Variants in HIP1R observed in about 807,000 individuals in gnomAD.
HIP1R encodes huntingtin interacting protein 1 related, also known as huntingtin-interacting protein 1-related protein.
A neutral mutation model predicts 144.2 loss-of-function variants in HIP1R; 135 were observed. The observed-to-expected ratio is 0.94, with a 90% CI of 0.81 to 1.08. The LOEUF (loss-of-function observed/expected upper bound fraction) is 1.08. HIP1R is among the 50% of genes least tolerant of loss of function. The pLI is 0.00. For synonymous variants in HIP1R, 698 were observed against 612.8 expected (o/e 1.14, Z -2.05); for missense variants, 1,462 against 1,432.8 (o/e 1.02, Z -0.33).
At position 122,856,076 on chromosome 12, in the gene HIP1R, A is replaced by T. The variant is rs760534339; in HGVS notation, c.1225A>T (p.Asn409Tyr). The change falls in exon 14 of 32, where the codon AAT (asparagine) becomes TAT (tyrosine). Residue 409 changes from asparagine to tyrosine, a missense_variant. Coordinates refer to ENST00000253083, the MANE Select transcript of HIP1R (RefSeq NM_003959.3). ...RKQKQKALVD[N>Y]EQLRHELAQL... is the part of the protein sequence containing the mutation. ...GCAGAAGCAGAAGGCCCTGGTGGAT[A>T]ATGAGCAGCTCCGCCACGAGCTGGC... 1.3e-6 allele frequency: 2 copies of T among 1,588,790 alleles called. No homozygotes were observed. Among genetic ancestry groups the T allele is most frequent in the Non-Finnish European group, 1.7e-6 (2 of 1,168,022 alleles).
At position 122,856,524 on chromosome 12, in the gene HIP1R, G is replaced by T. The variant is rs773766572; in HGVS notation, c.1494G>T (p.Gln498His). ...VKEQLAFQVE[Q>H]VKRESELKLE... is the part of the protein sequence containing the mutation. ...AGCAGCTGGCCTTCCAGGTGGAGCA[G>T]GTGAAGCGGGAGTCGGAGTTGAAGG... Residue 498 changes from glutamine (Q) to histidine (H), a missense_variant, in exon 16 of 32, where the codon CAG becomes CAT. Physicochemically the swap from Gln to His is conservative, Grantham distance 24 (BLOSUM62 0). Transcript: ENST00000253083. 2 of 1,599,100 alleles carry T rather than the reference G, an allele frequency of 1.3e-6. No individual in the cohort carries two copies. The highest frequency in any genetic ancestry group is 2.3e-5 in the East Asian group (1 of 44,326).
chr12:122,837,720 T>C (rs2032947673), intron 1 of HIP1R, among the ~76,000 whole-genome samples: 1 of 152,250 alleles, frequency 6.6e-6, no homozygotes, highest in Admixed American at 6.5e-5. Context: ...TCTTACCTAT[T>C]CTAGGGCCCC....
Position 122,854,096 on chromosome 12 carries a change from T to C in HIP1R, c.631T>C (p.Cys211Arg). The change falls in exon 8 of 32, where the codon TGC becomes CGC. Residue 211 changes from cysteine (C) to arginine (R), a missense_variant. By Grantham distance (180) the Cys-to-Arg change is radical. Around this residue, in one of 2 missense-constraint regions of HIP1R, gnomAD observed 350 missense variants for 421.1 expected, o/e 0.83. Coordinates refer to ENST00000253083, the MANE Select transcript of HIP1R (RefSeq NM_003959.3). The stretch of plus-strand genomic sequence containing the variant: ...CGTATCCCAGATGTCCTCAGGCCAG[T>C]GCCGCCTGGCCCCCCTCATCCAGGT... The part of the protein sequence containing the change: ...IAVSQMSSGQ[C>R]RLAPLIQVIQ... The C allele has an allele frequency of 6.2e-7, 1 of 1,613,898 alleles. No individual in the cohort carries two copies. Among genetic ancestry groups the C allele is most frequent in the Non-Finnish European group, 8.5e-7 (1 of 1,179,930 alleles).
rs1409982971 is a variant in HIP1R at position 122,862,021 on chromosome 12, A to G, written c.*268A>G. ...CGGTAGGCCTGAGCCTCAACTCTTC[A>G]GAAAATAGTGTTTTTAATATTCCTC... On this transcript the variant is annotated 3_prime_UTR_variant, in exon 32 of 32. Coordinates refer to ENST00000253083, the MANE Select transcript of HIP1R (RefSeq NM_003959.3). The G allele has an allele frequency of 2.1e-6, 1 of 470,080 alleles. No homozygotes were observed. Among genetic ancestry groups the G allele is most frequent in the Non-Finnish European group, 3.7e-6 (1 of 267,380 alleles). 29.1% of individuals were successfully genotyped at this position (470,080 alleles called of 1,614,324 possible). A position where few individuals can be genotyped will look rare whatever the true frequency, so the allele number is the denominator to read the frequency against.
intron 5 of HIP1R, chr12:122,850,395 G>A: frequency 2.3e-6 from 1 of 440,718 alleles, no homozygotes; most frequent in South Asian, 1.6e-5. Flanking sequence ...GGGGGCCCTG[G>A]TTCGGTGGCC....
chr12:122,861,562 C>A, intron 31 of HIP1R, 48 bp downstream of exon 31: 3 of 1,583,216 alleles, frequency 1.9e-6, no homozygotes, highest in Non-Finnish European at 2.6e-6. Flanking sequence ...GGGTGCTGTC[C>A]CCAGCCCTAG....
At chr12:122,834,989 T>C, upstream of HIP1R, 29 of 1,288,160 alleles carry the variant, frequency 2.3e-5, no homozygotes, top group Non-Finnish European at 2.7e-5. Flanking sequence ...GATCTTGCCC[T>C]GGTGCAGACA....
rs754844811 is a variant in HIP1R, at chr12:122,860,187, AAGG to A, written c.2539_2541del (p.Glu847del). The A allele has an allele frequency of 3.2e-6, 5 of 1,568,720 alleles. No individual in the cohort carries two copies. Among genetic ancestry groups the A allele is most frequent in the African/African-American group, 1.4e-5 (1 of 74,014 alleles). On this transcript the variant is annotated inframe_deletion, in exon 26 of 32. Transcript: ENST00000253083. The stretch of plus-strand genomic sequence containing the variant: ...GGTGACGACATCCACTAGCCTGCAG[AAGG>A]AGATCGTGGAGAGCGGCAGGGTGAG...
At chr12:122,857,304 A>G in intron 18 of HIP1R, 89 bp downstream of exon 18, 1 of 1,269,758 alleles carries the variant, frequency 7.9e-7, no homozygotes, top group Non-Finnish European at 1.1e-6. Context: ...TGTTCTAGAG[A>G]TTTCATGTAA....
At position 122,857,008 on chromosome 12, in the gene HIP1R, T is replaced by C. The variant is rs1190664635; in HGVS notation, c.1621-13T>C. The C allele has an allele frequency of 1.0e-5, 16 of 1,548,094 alleles. No homozygotes were observed. Among genetic ancestry groups the C allele is most frequent in the Middle Eastern group, 2.3e-4 (1 of 4,408 alleles). On this transcript the variant is annotated splice_polypyrimidine_tract_variant and intron_variant, in intron 17 of 31. Transcript: ENST00000253083. The stretch of plus-strand genomic sequence containing the variant: ...GCTCTGTTCACATGCCTGGTGTCCA[T>C]GTCTGTCCACAGAGCAAGTCGGAGC...
In HIP1R at chr12:122,861,434, A is replaced by C; in HGVS notation, c.3079A>C (p.Ser1027Arg). 6.2e-7 allele frequency: 1 copy of C among 1,613,500 alleles called. No homozygotes were observed. Reference sequence around the variant, plus strand: ...TGGAGAGGAGGTGGCCATCCGGCCCAGCACTGCCCCCCGAAGTGTAACCAC... The same window carrying C: ...TGGAGAGGAGGTGGCCATCCGGCCCCGCACTGCCCCCCGAAGTGTAACCAC... ...SPGEEVAIRP[S>R]TAPRSVTTKK... Residue 1027 changes from serine (S) to arginine (R), a missense_variant, in exon 31 of 32, where the codon AGC (serine) becomes CGC (arginine). Transcript: ENST00000253083.
At chr12:122,852,969 C>G (rs908195120) in intron 7 of HIP1R, among the ~76,000 whole-genome samples, 2 of 152,104 alleles carry the variant, frequency 1.3e-5, no homozygotes, top group Non-Finnish European at 1.5e-5. Context: ...CTTGCCCCTC[C>G]CCCCCAGGCT....
At position 122,835,564 on chromosome 12, in the gene HIP1R, A is replaced by C. The variant is rs1033137856; in HGVS notation, c.14A>C (p.Lys5Thr). Residue 5 changes from lysine (K) to threonine (T), a missense_variant, in exon 1 of 32, where the codon AAG becomes ACG. Around this residue, in one of 2 missense-constraint regions of HIP1R, gnomAD observed 350 missense variants for 421.1 expected, o/e 0.83. Transcript: ENST00000253083. MNSI[K>T]NVPARVLSRR... is the part of the protein sequence containing the mutation. ...GGCGGCGGCAGGATGAACAGCATCA[A>C]GAACGTGCCGGCGCGGGTGCTGAGC... The C allele has an allele frequency of 7.4e-7, 1 of 1,344,908 alleles. No homozygotes were observed. Among genetic ancestry groups the C allele is most frequent in the African/African-American group, 1.5e-5 (1 of 65,066 alleles). The allele number at this position is 1,344,908 out of a possible 1,614,324, so 83.3% of individuals were successfully genotyped here. A position where few individuals can be genotyped will look rare whatever the true frequency, so the allele number is the denominator to read the frequency against.
intron 3 of HIP1R, 85 bp from the exon 4 acceptor site, chr12:122,848,707 TCCTC>T: frequency 6.3e-7 from 1 of 1,596,886 alleles, no homozygotes; most frequent in Non-Finnish European, 8.6e-7. Flanking sequence ...TCCGGGCTGT[TCCTC>T]CCGCCTCGGG....
intron 1 of HIP1R, 142 bp from the exon 2 acceptor site, chr12:122,847,889 A>T (rs2033256501): frequency 4.6e-6 from 3 of 650,964 alleles, no homozygotes; most frequent in South Asian, 2.2e-5. Context: ...GCTTAGGTTG[A>T]GGGGATTCCT....
chr12:122,839,156 G>C (rs1253913101), intron 1 of HIP1R, among the ~76,000 whole-genome samples: 2 of 152,188 alleles, frequency 1.3e-5, no homozygotes, highest in Non-Finnish European at 2.9e-5. Context: ...AACATCTAGA[G>C]AAGAAAGCAT....
chr12:122,847,188 A>G (rs1593867116), intron 1 of HIP1R, among the ~76,000 whole-genome samples: 1 of 150,610 alleles, frequency 6.6e-6, no homozygotes, highest in African/African-American at 2.5e-5. Context: ...CATGAGAAAT[A>G]CCCCATGCCC....
At chr12:122,838,235 G>T (rs183614669) in intron 1 of HIP1R, among the ~76,000 whole-genome samples, 1 of 151,818 alleles carries the variant, frequency 6.6e-6, no homozygotes, top group Non-Finnish European at 1.5e-5. Context: ...GCCTGTGATT[G>T]TTGCATGGTG....
upstream of HIP1R, chr12:122,835,091 CCTTCCCCTACCCT>C: frequency 1.0e-6 from 1 of 968,188 alleles, no homozygotes; most frequent in Non-Finnish European, 1.4e-6. Context: ...TCCCCCTCCC[CCTTCCCCTACCCT>C]CCCCTCCGGG....
Sources: gnomAD v4.1 joint callset for allele counts (sites outside exome capture counted in the v4.1 genomes callset) on GRCh38, gnomAD v4.1.1 for gene constraint, gnomAD v4.1.1 regional missense constraint, MANE v1.5 for transcripts, NCBI Gene and HGNC (gene_info 2026-07-23, HGNC 2026-07-21) for gene names.